Variants in NCAN observed in about 807,000 individuals in gnomAD.
The protein encoded by NCAN is neurocan.
A neutral mutation model predicts 121.8 loss-of-function variants in NCAN; 47 were observed. The ratio of observed to expected loss-of-function variants is 0.39; its 90% CI spans 0.31 to 0.49. The LOEUF is 0.49. Among genes scored for constraint, NCAN ranks in the 20% least tolerant of loss-of-function variants. The probability of loss-of-function intolerance (pLI) is 0.92; values close to 1 mark genes in which losing one functional copy is unlikely to be tolerated. For missense variants in NCAN, 1,517 were observed against 1,773.4 expected (o/e 0.86, Z 2.60); for synonymous variants, 633 against 702.0 (o/e 0.90, Z 1.55).
intron 1 of NCAN, among the ~76,000 whole-genome samples, chr19:19,216,279 G>A (rs964243896): frequency 6.6e-6 from 1 of 151,874 alleles, no homozygotes; most frequent in Non-Finnish European, 1.5e-5. Flanking sequence ...CTCCTGCATA[G>A]CTGGGACCAC....
At chr19:19,229,205 T>TCAAAAA (rs1404014202) in intron 8 of NCAN, among the ~76,000 whole-genome samples, 3 of 152,026 alleles carry the variant, frequency 2.0e-5, no homozygotes, top group Non-Finnish European at 2.9e-5. Context: ...TGAGACTCTG[T>TCAAAAA]CAAAAACAAA....
rs1568605136 is a variant in NCAN at position 19,249,949 on chromosome 19, C to A, written c.*38C>A. 3.2e-6 allele frequency: 5 copies of A among 1,583,854 alleles called. No homozygotes were observed. In the South Asian group the frequency reaches 5.7e-5, roughly 18 times the overall value. On this transcript the variant is annotated 3_prime_UTR_variant, in exon 15 of 15. Coordinates refer to ENST00000252575, the MANE Select transcript of NCAN (RefSeq NM_004386.3). ...AAGAAAGCACAACACCTTTCCCATGCCTCCTCTGGAGCCTTCGCCTGGGGA... is the reference window on the plus strand; with the variant it reads ...AAGAAAGCACAACACCTTTCCCATGACTCCTCTGGAGCCTTCGCCTGGGGA...
At chr19:19,245,099 A>G (rs10408021) in intron 12 of NCAN, among the ~76,000 whole-genome samples, 18,783 of 152,154 alleles carry the variant, frequency 0.12, 1,626 homozygotes, top group African/African-American at 0.22. Flanking sequence ...ACCAGGGAGG[A>G]GAATGCTGCA....
intron 8 of NCAN, among the ~76,000 whole-genome samples, chr19:19,230,432 C>G (rs1488000375): frequency 3.6e-5 from 4 of 110,768 alleles, no homozygotes; most frequent in Admixed American, 1.1e-4. Flanking sequence ...TAGAAAGGGT[C>G]TCACTCTGTC....
chr19:19,236,342 C>A (rs1453702001), intron 10 of NCAN, among the ~76,000 whole-genome samples: 1 of 152,200 alleles, frequency 6.6e-6, no homozygotes, highest in Non-Finnish European at 1.5e-5. Context: ...TAATATGAAT[C>A]AGTGTTTCAT....
At chr19:19,241,542 C>T (rs1188294553) in intron 12 of NCAN, among the ~76,000 whole-genome samples, 1 of 152,024 alleles carries the variant, frequency 6.6e-6, no homozygotes, top group African/African-American at 2.4e-5. Flanking sequence ...GTTCCTCACA[C>T]AGTTAAACAT....
intron 5 of NCAN, 94 bp downstream of exon 5, chr19:19,224,527 T>C (rs1283403055): frequency 1.3e-6 from 2 of 1,494,276 alleles, no homozygotes; most frequent in African/African-American, 2.8e-5. Context: ...CTTATGCAAC[T>C]CCCCTGTCTT....
chr19:19,228,133 G>C lies in NCAN; in HGVS notation c.2513G>C (p.Ser838Thr). 1 of 1,613,722 alleles carries C rather than the reference G, an allele frequency of 6.2e-7. No individual in the cohort carries two copies. Among genetic ancestry groups the C allele is most frequent in the Non-Finnish European group, 8.5e-7 (1 of 1,180,024 alleles). Reference protein sequence around the residue: ...PMDSTVTPAPSDASGIWEPGS... With the variant: ...PMDSTVTPAPTDASGIWEPGS... ...GATTCCACAGTCACGCCGGCCCCCA[G>C]TGATGCTAGTGGAATTTGGGAACCT... Residue 838 changes from serine to threonine, a missense_variant, in exon 8 of 15, where the codon AGT becomes ACT. Ser to Thr is a moderately conservative substitution (Grantham distance 58). Transcript: ENST00000252575.
In NCAN at chr19:19,226,538, T is replaced by A. The variant is rs1270893376; in HGVS notation, c.1125T>A (p.Asp375Glu). The A allele has an allele frequency of 1.2e-6, 2 of 1,611,850 alleles. No individual in the cohort carries two copies. The highest frequency in any genetic ancestry group is 1.3e-5 in the African/African-American group (1 of 74,878). ...HGDLETPSSG[D>E]EGEILSAEGP... ...ACCTAGAGACCCCATCCTCTGGGGA[T>A]GAGGGGGAGATTCTGTCAGCAGAGG... The change falls in exon 7 of 15, where the codon GAT becomes GAA. Residue 375 changes from aspartate (D) to glutamate (E), a missense_variant. Coordinates refer to ENST00000252575, the MANE Select transcript of NCAN (RefSeq NM_004386.3).
intron 6 of NCAN, 117 bp from the exon 7 acceptor site, chr19:19,226,369 G>C (rs1387772573): frequency 7.3e-6 from 6 of 825,420 alleles, no homozygotes; most frequent in African/African-American, 1.7e-5. Flanking sequence ...CTACTTAGGA[G>C]AGACAGAGGT....
chr19:19,229,997 C>T (rs2060852126), intron 8 of NCAN, among the ~76,000 whole-genome samples: 1 of 152,106 alleles, frequency 6.6e-6, no homozygotes, highest in South Asian at 2.1e-4. Flanking sequence ...ACTAACAAAA[C>T]AAAACAAGCA....
chr19:19,233,791 C>T lies in NCAN; in HGVS notation c.3022C>T (p.His1008Tyr), dbSNP rs778361723. The T allele has an allele frequency of 2.4e-5, 39 of 1,600,332 alleles. No individual in the cohort carries two copies. The highest frequency in any genetic ancestry group is 6.7e-5 in the Admixed American group (4 of 59,984). The change falls in exon 9 of 15, where the codon CAC becomes TAC. Residue 1008 changes from histidine to tyrosine, a missense_variant and splice_region_variant. Coordinates refer to ENST00000252575, the MANE Select transcript of NCAN (RefSeq NM_004386.3). ...CACACTACCCATCCATCCTGCAGTG[C>T]ACTCAGATCCCTGTGAGAACAACCC... Reference protein sequence around the residue: ...TPMNAGAEEVHSDPCENNPCL... With the variant: ...TPMNAGAEEVYSDPCENNPCL...
chr19:19,243,808 G>C (rs964973619), intron 12 of NCAN, among the ~76,000 whole-genome samples: 2 of 151,806 alleles, frequency 1.3e-5, no homozygotes, highest in Non-Finnish European at 2.9e-5. Flanking sequence ...TGGGTGGATC[G>C]CGAGGTCAGG....
At chr19:19,240,186 CCTT>C (rs1337271562) in intron 11 of NCAN, among the ~76,000 whole-genome samples, 1 of 149,652 alleles carries the variant, frequency 6.7e-6, no homozygotes, top group Admixed American at 6.7e-5. Context: ...TCATCTCTCT[CCTT>C]CTCCCTTCCT....
Position 19,228,517 on chromosome 19 carries a change from T to C in NCAN, c.2897T>C (p.Ile966Thr), listed in dbSNP as rs769482241. ...SSTLLPVTLG[I>T]EDFELEVLAG... The stretch of plus-strand genomic sequence containing the variant: ...ACCCTGCTGCCTGTCACCCTGGGCA[T>C]AGAGGACTTCGAACTGGAGGTCCTG... The change falls in exon 8 of 15, where the codon ATA (isoleucine) becomes ACA (threonine). Residue 966 changes from isoleucine to threonine, a missense_variant. Transcript: ENST00000252575. 5 of 1,613,422 alleles carry C rather than the reference T, an allele frequency of 3.1e-6. No homozygotes were observed. The highest frequency in any genetic ancestry group is 3.4e-6 in the Non-Finnish European group (4 of 1,180,016).
intron 10 of NCAN, among the ~76,000 whole-genome samples, chr19:19,237,991 C>T (rs762525156): frequency 2.6e-5 from 4 of 151,980 alleles, no homozygotes; most frequent in African/African-American, 9.7e-5. Flanking sequence ...AGCAGTGAGC[C>T]GAGATTGTGC....
chr19:19,218,354 T>C (rs2060803412), intron 2 of NCAN, among the ~76,000 whole-genome samples: 1 of 152,006 alleles, frequency 6.6e-6, no homozygotes, highest in South Asian at 2.1e-4. Flanking sequence ...CCCAGCACTT[T>C]CGGGAGGCTG....
At chr19:19,231,878 G>A (rs2060861323) in intron 8 of NCAN, among the ~76,000 whole-genome samples, 1 of 151,982 alleles carries the variant, frequency 6.6e-6, no homozygotes, top group Non-Finnish European at 1.5e-5. Context: ...ACTCAGGGGT[G>A]CTGAGGTGGG....
intron 2 of NCAN, among the ~76,000 whole-genome samples, chr19:19,217,850 G>A (rs2060801335): frequency 1.3e-5 from 2 of 152,080 alleles, no homozygotes; most frequent in Admixed American, 1.3e-4. Flanking sequence ...AGCCAGGTGT[G>A]GTGGCACATG....
Sources: allele counts gnomAD v4.1 joint callset (sites outside exome capture counted in the v4.1 genomes callset), GRCh38; gene constraint gnomAD v4.1.1; transcripts MANE v1.5; gene names NCBI Gene and HGNC (gene_info 2026-07-23, HGNC 2026-07-21).